RUBCN: variants seen among roughly 807,000 people sequenced by gnomAD.
RUBCN encodes the protein rubicon autophagy regulator, also known as run domain Beclin-1-interacting and cysteine-rich domain-containing protein.
A neutral mutation model predicts 113.2 loss-of-function variants in RUBCN; 74 were observed. The observed-to-expected ratio is 0.65, with a 90% CI of 0.54 to 0.79. The LOEUF is 0.79. Ranked by LOEUF, RUBCN falls within the 30% of genes least tolerant of loss-of-function variation. The pLI is 0.00. For synonymous variants in RUBCN, 480 were observed against 490.0 expected, an observed-to-expected ratio of 0.98 and a Z score of 0.27; for missense variants, 1,109 against 1,251.7, an observed-to-expected ratio of 0.89 and a Z score of 1.72.
chr3:197,675,027 CTCCAGGACGGCGGCT>C lies in RUBCN; in HGVS notation c.2895_2909del (p.Ala966_Glu970del), dbSNP rs1164353195. 1.2e-6 allele frequency: 2 copies of C among 1,612,394 alleles called. No homozygotes were observed. The highest frequency in any genetic ancestry group is 1.1e-5 in the South Asian group (1 of 91,056). On this transcript the variant is annotated inframe_deletion, in exon 20 of 20. Coordinates refer to ENST00000296343, the MANE Select transcript of RUBCN (RefSeq NM_014687.4). The surrounding 1 kb of genome is among the most constrained non-coding windows in gnomAD (Gnocchi z 4.4). Reference sequence around the variant, plus strand: ...GCTGCACGTGCTTTCTTCAGGTGGCCTCCAGGACGGCGGCTTCCAGGGCCAGCGCTTCCGCGGGCT... The same window carrying C: ...GCTGCACGTGCTTTCTTCAGGTGGCCTCCAGGGCCAGCGCTTCCGCGGGCT...
At position 197,712,416 on chromosome 3, in the gene RUBCN, C is replaced by T. The variant is rs146746902; in HGVS notation, c.219+5561G>A. On this transcript the variant is annotated intron_variant, in intron 2 of 19. Transcript: ENST00000296343. ...GAGGGGACATGAGCAGCATGAATCA[C>T]TGTATCAGCCCCTCCTCCTGACGAG... 3.9e-3 allele frequency among the ~76,000 whole-genome samples: 589 copies of T among 152,298 alleles called. 7 individuals are homozygous for T. Among genetic ancestry groups the T allele is most frequent in the African/African-American group, 0.013 (561 of 41,566 alleles).
upstream of RUBCN, chr3:197,736,942 G>C: frequency 1.5e-6 from 2 of 1,332,622 alleles, no homozygotes; most frequent in Non-Finnish European, 1.9e-6. Context: ...CCCCCGGCGA[G>C]CACTCCGAGG....
rs772201430 is a variant in RUBCN, at chr3:197,703,640, G to A, written c.478C>T (p.Leu160=). 1 of 1,613,132 alleles carries A rather than the reference G, an allele frequency of 6.2e-7. No individual in the cohort carries two copies. The highest frequency in any genetic ancestry group is 2.2e-5 in the East Asian group (1 of 44,864). Residue 160 remains leucine, a synonymous_variant, in exon 5 of 20, where the codon CTA becomes TTA. Transcript: ENST00000296343. ...RKFYTDAAFL[L]SDAHVTAMLQ... ...ATGGCCGTGACATGAGCGTCACTTA[G>A]CAGGAAGGCAGCATCTGGGGAGAGA...
intron 1 of RUBCN, among the ~76,000 whole-genome samples, chr3:197,722,576 A>ATAATG (rs563372409): frequency 2.2e-3 from 334 of 151,064 alleles, no homozygotes; most frequent in African/African-American, 7.6e-3. Flanking sequence ...TTCACTTTAC[A>ATAATG]TATTTAAGGT....
chr3:197,744,309 A>C (rs1455302661), intron 1 of RUBCN, among the ~76,000 whole-genome samples: 1 of 152,196 alleles, frequency 6.6e-6, no homozygotes. Context: ...GGTTTATCCC[A>C]AAAATGCAAT....
In RUBCN at chr3:197,672,599, T is replaced by C. The variant is rs1311418762; in HGVS notation, c.*2419A>G. 6.6e-6 allele frequency: 1 copy of C among 152,244 alleles called. No individual in the cohort carries two copies. The highest frequency in any genetic ancestry group is 1.5e-5 in the Non-Finnish European group (1 of 68,048). 9.4% of individuals were successfully genotyped at this position (152,244 alleles called of 1,614,324 possible). On this transcript the variant is annotated 3_prime_UTR_variant, in exon 20 of 20. Transcript: ENST00000296343. ...AGTTCGGCTTCAGAAGCTGTCAGCA[T>C]TGTCATCCTTTGATCCTATGCTGAT...
At chr3:197,699,344 A>C (rs1723379045) in intron 7 of RUBCN, 1 of 718,502 alleles carries the variant, frequency 1.4e-6, no homozygotes, top group African/African-American at 1.8e-5. Flanking sequence ...GGAACTCCCA[A>C]GAGGAAACCC....
rs1721341056 is a variant in RUBCN at position 197,682,368 on chromosome 3, G to T, written c.2126+102C>A. Reference sequence around the variant, plus strand: ...GCCTTTAAATGAAGAGAACGGTGTGGGAAGGACAGCTGGAGGCAGGGACAA... The same window carrying T: ...GCCTTTAAATGAAGAGAACGGTGTGTGAAGGACAGCTGGAGGCAGGGACAA... On this transcript the variant is annotated intron_variant, in intron 14 of 19. Transcript: ENST00000296343. 9 of 1,382,478 alleles carry T rather than the reference G, an allele frequency of 6.5e-6. No individual in the cohort carries two copies. The East Asian group carries it at 2.1e-4, about 33-fold the overall frequency. 85.6% of individuals were successfully genotyped at this position (1,382,478 alleles called of 1,614,324 possible). A position where few individuals can be genotyped will look rare whatever the true frequency, so the allele number is the denominator to read the frequency against.
At chr3:197,694,255 A>T (rs1424334224) in intron 10 of RUBCN, 120 bp downstream of exon 10, 2 of 893,044 alleles carry the variant, frequency 2.2e-6, no homozygotes, top group Middle Eastern at 2.1e-4. Context: ...CTAGCATGAT[A>T]GAAAAAAAGT....
intron 9 of RUBCN, among the ~76,000 whole-genome samples, chr3:197,694,986 A>G (rs1320612793): frequency 6.6e-6 from 1 of 152,278 alleles, no homozygotes; most frequent in African/African-American, 2.4e-5. Context: ...AACAAAAGAT[A>G]GAATTTGATT....
intron 2 of RUBCN, 81 bp from the exon 3 acceptor site, chr3:197,705,256 G>A: frequency 8.0e-7 from 1 of 1,254,504 alleles, no homozygotes; most frequent in Non-Finnish European, 1.2e-6. Flanking sequence ...TCAAAGATAG[G>A]AAAAGGACCA....
chr3:197,680,039 C>T (rs1348829310), intron 16 of RUBCN, among the ~76,000 whole-genome samples: 41 of 150,708 alleles, frequency 2.7e-4, no homozygotes, highest in Non-Finnish European at 5.0e-4. Flanking sequence ...GACTGTCCTA[C>T]GCTCTGACAA....
At chr3:197,701,932 C>T (rs749549018) in intron 5 of RUBCN, 68 bp from the exon 6 acceptor site, 181 of 1,431,858 alleles carry the variant, frequency 1.3e-4, no homozygotes, top group Admixed American at 1.7e-4. Context: ...GTGGGGGCAA[C>T]GCAGTACTGC....
upstream of RUBCN, among the ~76,000 whole-genome samples, chr3:197,741,865 A>G (rs541483341): frequency 4.0e-5 from 6 of 151,788 alleles, no homozygotes; most frequent in African/African-American, 9.7e-5. Flanking sequence ...ATATAGGAAC[A>G]CTTGCCAGCC....
rs1320285231 is a variant in RUBCN at position 197,669,854 on chromosome 3, T to C, written c.*5164A>G. On this transcript the variant is annotated 3_prime_UTR_variant, in exon 20 of 20. Coordinates refer to ENST00000296343, the MANE Select transcript of RUBCN (RefSeq NM_014687.4). ...TTTTCTAACTTCTTCTCACATAACA[T>C]TGTATTACAAGACTTTTTCCCCATG... Among the ~76,000 whole-genome samples, 1 of 152,216 alleles carries C rather than the reference T, an allele frequency of 6.6e-6. No individual in the cohort carries two copies.
At chr3:197,676,818 G>A (rs1464511832) in intron 18 of RUBCN, 67 bp downstream of exon 18, 1 of 1,611,326 alleles carries the variant, frequency 6.2e-7, no homozygotes, top group African/African-American at 1.3e-5. Context: ...AGAACCCCAG[G>A]TCCACCCCCC....
Position 197,674,895 on chromosome 3 carries a change from A to AAG in RUBCN, c.*122_*123insCT. The AAG allele has an allele frequency of 1.4e-6, 1 of 736,604 alleles. No homozygotes were observed. The highest frequency in any genetic ancestry group is 2.1e-6 in the Non-Finnish European group (1 of 481,398). The allele number at this position is 736,604 out of a possible 1,614,324, so 45.6% of individuals were successfully genotyped here. The stretch of plus-strand genomic sequence containing the variant: ...GACAAGTCAGTAAAAAAAAAAAAAA[A>AAG]GATGATGATAATTAAAAAAAAAAAA... On this transcript the variant is annotated 3_prime_UTR_variant, in exon 20 of 20. Coordinates refer to ENST00000296343, the MANE Select transcript of RUBCN (RefSeq NM_014687.4).
intron 1 of RUBCN, among the ~76,000 whole-genome samples, chr3:197,747,918 C>T (rs538987287): frequency 6.6e-6 from 1 of 151,120 alleles, no homozygotes; most frequent in East Asian, 1.9e-4. Flanking sequence ...GCCCACAACC[C>T]AGTTTCTGTA....
intron 1 of RUBCN, 26 bp from the exon 2 acceptor site, chr3:197,718,156 C>A (rs773311298): frequency 2.5e-6 from 4 of 1,613,760 alleles, no homozygotes; most frequent in Non-Finnish European, 1.7e-6. Flanking sequence ...TTACACCAAT[C>A]GTTAGTTACC....
Sources: allele counts gnomAD v4.1 joint callset (sites outside exome capture counted in the v4.1 genomes callset), GRCh38; gene constraint gnomAD v4.1.1; non-coding constraint Gnocchi (gnomAD v3.1); transcripts MANE v1.5; gene names NCBI Gene and HGNC (gene_info 2026-07-23, HGNC 2026-07-21).